EDN1: variants seen among roughly 807,000 people sequenced by gnomAD.
The protein encoded by EDN1 is endothelin 1.
In EDN1, 11 loss-of-function variants were observed where a neutral mutation model predicts 21.7. The ratio of observed to expected loss-of-function variants is 0.51; its 90% CI spans 0.32 to 0.84. The LOEUF is 0.84. Among genes scored for constraint, EDN1 ranks in the 40% least tolerant of loss-of-function variants. The pLI is 0.03. For missense variants in EDN1, 244 were observed against 262.3 expected (o/e 0.93, Z 0.48); for synonymous variants, 85 against 90.6 (o/e 0.94, Z 0.35).
chr6:12,280,194 TTCTTAAGCTGTG>T, the EDN1 span, among the ~76,000 whole-genome samples: 1 of 152,138 alleles, frequency 6.6e-6, no homozygotes, highest in Non-Finnish European at 1.5e-5. Context: ...ATTGCAAAAA[TTCTTAAGCTGTG>T]GGAAATGGGT....
the EDN1 span, among the ~76,000 whole-genome samples, chr6:12,259,392 T>A: frequency 1.3e-5 from 2 of 150,318 alleles, no homozygotes; most frequent in African/African-American, 4.8e-5. Context: ...TATTAAATAA[T>A]AAAAAATAAG....
At chr6:12,272,205 T>A in the EDN1 span, among the ~76,000 whole-genome samples, 3 of 151,974 alleles carry the variant, frequency 2.0e-5, no homozygotes, top group African/African-American at 4.8e-5. Context: ...CTTGATAAAA[T>A]TTTTTTTCTA....
At chr6:12,291,413 G>T (rs1762679146) in intron 1 of EDN1, among the ~76,000 whole-genome samples, 2 of 152,196 alleles carry the variant, frequency 1.3e-5, no homozygotes, top group Admixed American at 6.5e-5. Context: ...AAGGATTTAG[G>T]CAGTGCGTGT....
At chr6:12,230,651 T>A in the EDN1 span, among the ~76,000 whole-genome samples, 1 of 152,278 alleles carries the variant, frequency 6.6e-6, no homozygotes, top group East Asian at 1.9e-4. Flanking sequence ...CGAGAAGGCC[T>A]AGTGTCACCT....
intron 2 of EDN1, among the ~76,000 whole-genome samples, chr6:12,293,379 T>C (rs904356418): frequency 3.9e-5 from 6 of 152,134 alleles, no homozygotes; most frequent in African/African-American, 1.4e-4. Flanking sequence ...TGGCTATGAG[T>C]CCTTCCACAA....
the EDN1 span, among the ~76,000 whole-genome samples, chr6:12,278,293 A>G: frequency 6.6e-6 from 1 of 152,182 alleles, no homozygotes; most frequent in Non-Finnish European, 1.5e-5. Context: ...TTCTTCCCAG[A>G]TTAAAATTCA....
chr6:12,275,362 G>C, the EDN1 span, among the ~76,000 whole-genome samples: 2 of 152,184 alleles, frequency 1.3e-5, no homozygotes, highest in Non-Finnish European at 2.9e-5. Flanking sequence ...ATCTTTGCCT[G>C]AATTCTTGAA....
the EDN1 span, among the ~76,000 whole-genome samples, chr6:12,273,006 G>T: frequency 6.6e-6 from 1 of 152,140 alleles, no homozygotes; most frequent in Non-Finnish European, 1.5e-5. Flanking sequence ...AGGCAGGAAA[G>T]ACACAGTCCC....
At chr6:12,250,770 A>G in the EDN1 span, among the ~76,000 whole-genome samples, 1 of 152,244 alleles carries the variant, frequency 6.6e-6, no homozygotes, top group Non-Finnish European at 1.5e-5. Flanking sequence ...GGTTTCTTTC[A>G]AAAGATATCC....
rs957997210 is a variant in EDN1, at chr6:12,293,875, G to A, written c.234-66G>A. ...CTTGTGTGCCCAGTGGAATAGGTGTGTCCATGTGTCATTTTAAAGACTATT... is the reference window on the plus strand; with the variant it reads ...CTTGTGTGCCCAGTGGAATAGGTGTATCCATGTGTCATTTTAAAGACTATT... On this transcript the variant is annotated intron_variant, in intron 2 of 4. Transcript: ENST00000379375. 18 of 1,571,056 alleles carry A rather than the reference G, an allele frequency of 1.1e-5. No homozygotes were observed. The Admixed American group carries it at 2.7e-4, about 24-fold the overall frequency.
chr6:12,265,900 C>G, the EDN1 span, among the ~76,000 whole-genome samples: 1 of 152,156 alleles, frequency 6.6e-6, no homozygotes. Flanking sequence ...TCTACAGTTG[C>G]GATGGTGCAA....
the EDN1 span, among the ~76,000 whole-genome samples, chr6:12,262,969 T>C: frequency 6.6e-6 from 1 of 151,784 alleles, no homozygotes. Context: ...CAATTCAAAG[T>C]GGGTGGTGTT....
chr6:12,276,065 G>A, the EDN1 span, among the ~76,000 whole-genome samples: 1 of 150,964 alleles, frequency 6.6e-6, no homozygotes, highest in South Asian at 2.1e-4. Context: ...GGGAGGCTGA[G>A]GCAGGAGAAT....
the EDN1 span, among the ~76,000 whole-genome samples, chr6:12,259,893 T>C: frequency 2.0e-5 from 3 of 151,898 alleles, no homozygotes; most frequent in Admixed American, 1.3e-4. Context: ...CAAATATGCT[T>C]TATATAGGTA....
At chr6:12,285,841 T>C (rs1330465471), upstream of EDN1, among the ~76,000 whole-genome samples, 1 of 152,202 alleles carries the variant, frequency 6.6e-6, no homozygotes, top group African/African-American at 2.4e-5. Context: ...ATTACAAGTG[T>C]GAGCCACCAT....
chr6:12,251,051 A>G, the EDN1 span, among the ~76,000 whole-genome samples: 1 of 152,230 alleles, frequency 6.6e-6, no homozygotes, highest in African/African-American at 2.4e-5. Flanking sequence ...TGGCAAGTAT[A>G]AAATAAAGGA....
chr6:12,233,154 A>G, the EDN1 span, among the ~76,000 whole-genome samples: 1 of 152,216 alleles, frequency 6.6e-6, no homozygotes, highest in Non-Finnish European at 1.5e-5. Context: ...ATCCAAAGTT[A>G]TAGGTCCTGA....
chr6:12,272,357 G>A, the EDN1 span, among the ~76,000 whole-genome samples: 1 of 151,990 alleles, frequency 6.6e-6, no homozygotes, highest in South Asian at 2.1e-4. Flanking sequence ...AGAGACCATA[G>A]GAAGAGCTGG....
chr6:12,295,036 A>G (rs1762788715), intron 4 of EDN1, among the ~76,000 whole-genome samples: 1 of 148,848 alleles, frequency 6.7e-6, no homozygotes, highest in Admixed American at 6.9e-5. Flanking sequence ...AGGGATCTGG[A>G]TTAGGCAACA....
Sources: gnomAD v4.1 joint callset for allele counts (sites outside exome capture counted in the v4.1 genomes callset) on GRCh38, gnomAD v4.1.1 for gene constraint, MANE v1.5 for transcripts, NCBI Gene and HGNC (gene_info 2026-07-23, HGNC 2026-07-21) for gene names.